The following ADAMTS6 variants were observed in gnomAD, a reference collection of about 807,000 sequenced individuals.
ADAMTS6 encodes the protein A disintegrin and metalloproteinase with thrombospondin motifs 6.
ADAMTS6 carries 23 observed loss-of-function variants against 144.3 expected under a neutral mutation model. That is an observed-to-expected ratio of 0.16 (90% confidence interval 0.11 to 0.23). The LOEUF (loss-of-function observed/expected upper bound fraction) is 0.23. Among genes scored for constraint, ADAMTS6 ranks in the 10% least tolerant of loss-of-function variants. The pLI, the probability that ADAMTS6 is intolerant of heterozygous loss-of-function variation, is 1.00. For synonymous variants in ADAMTS6, 444 were observed against 457.5 expected (o/e 0.97, Z 0.38); for missense variants, 999 against 1,379.6 (o/e 0.72, Z 4.37).
chr5:65,244,621 G>A (rs896271571), intron 14 of ADAMTS6, among the ~76,000 whole-genome samples: 5 of 151,988 alleles, frequency 3.3e-5, no homozygotes, highest in African/African-American at 9.7e-5. Context: ...ACACTGTTCC[G>A]GGATCTTTAG....
At chr5:65,396,734 C>A (rs1753371284) in intron 7 of ADAMTS6, among the ~76,000 whole-genome samples, 1 of 152,136 alleles carries the variant, frequency 6.6e-6, no homozygotes, top group African/African-American at 2.4e-5. Context: ...TTGCTGGATT[C>A]TATTTGCTAA....
chr5:65,196,347 C>T (rs1755354527), intron 21 of ADAMTS6, among the ~76,000 whole-genome samples: 1 of 151,308 alleles, frequency 6.6e-6, no homozygotes, highest in Non-Finnish European at 1.5e-5. Context: ...ACAGTGAAAC[C>T]CCGTCTCTAC....
chr5:65,222,297 T>G (rs1234974856), intron 18 of ADAMTS6, among the ~76,000 whole-genome samples: 1 of 152,116 alleles, frequency 6.6e-6, no homozygotes, highest in Non-Finnish European at 1.5e-5. Flanking sequence ...AGAACAGAAA[T>G]AGACTCATCC....
intron 20 of ADAMTS6, among the ~76,000 whole-genome samples, chr5:65,208,716 T>A (rs1419944822): frequency 6.6e-6 from 1 of 152,210 alleles, no homozygotes; most frequent in Non-Finnish European, 1.5e-5. Context: ...TGTTTTAAAC[T>A]TTACAATTTT....
In ADAMTS6 at chr5:65,273,413, C is replaced by A; in HGVS notation, c.1547G>T (p.Ser516Ile). 1 of 1,613,876 alleles carries A rather than the reference C, an allele frequency of 6.2e-7. No individual in the cohort carries two copies. Among genetic ancestry groups the A allele is most frequent in the Non-Finnish European group, 8.5e-7 (1 of 1,179,846 alleles). ...AATACTGTTGGTGACACAGCGGTTG[C>A]TTTTGCTGAGACACCAGAGCTCTCT... ...VCRELWCLSKSNRCVTNSIPA... is the reference protein window; with the variant it reads ...VCRELWCLSKINRCVTNSIPA... The change falls in exon 12 of 25, where the codon AGC becomes ATC. Residue 516 changes from serine to isoleucine, a missense_variant. Coordinates refer to ENST00000381055, the MANE Select transcript of ADAMTS6 (RefSeq NM_197941.4).
At chr5:65,401,439 G>A (rs867548139) in intron 7 of ADAMTS6, among the ~76,000 whole-genome samples, 1 of 152,152 alleles carries the variant, frequency 6.6e-6, no homozygotes. Flanking sequence ...CAAATTCCCA[G>A]ATAGATCCCT....
chr5:65,375,776 A>T (rs1031471735), intron 7 of ADAMTS6, among the ~76,000 whole-genome samples: 3 of 152,322 alleles, frequency 2.0e-5, no homozygotes, highest in African/African-American at 7.2e-5. Context: ...TACCCAAAGG[A>T]TTATAAATCA....
intron 7 of ADAMTS6, among the ~76,000 whole-genome samples, chr5:65,376,458 A>C (rs559016336): frequency 1.3e-5 from 2 of 152,044 alleles, no homozygotes; most frequent in South Asian, 4.2e-4. Flanking sequence ...CTCAAAAAAA[A>C]AGGAAGGAAA....
At chr5:65,395,837 T>C (rs1337863432) in intron 7 of ADAMTS6, among the ~76,000 whole-genome samples, 1 of 152,216 alleles carries the variant, frequency 6.6e-6, no homozygotes, top group Non-Finnish European at 1.5e-5. Flanking sequence ...AACTTAAATT[T>C]TGACATTCAG....
In ADAMTS6 at chr5:65,242,086, T is replaced by C; in HGVS notation, c.1933+18A>G. On this transcript the variant is annotated intron_variant, in intron 15 of 24. Transcript: ENST00000381055. The stretch of plus-strand genomic sequence containing the variant: ...GCAAAGTGCTCAAGCATGAATGCTC[T>C]GTCAGGTTATACATTACCTCCAGTA... 1 of 1,520,620 alleles carries C rather than the reference T, an allele frequency of 6.6e-7. No homozygotes were observed. Among genetic ancestry groups the C allele is most frequent in the Non-Finnish European group, 9.0e-7 (1 of 1,116,870 alleles). 94.2% of individuals were successfully genotyped at this position (1,520,620 alleles called of 1,614,324 possible).
chr5:65,460,061 T>C (rs1759528687), intron 4 of ADAMTS6, 109 bp downstream of exon 4: 3 of 1,208,374 alleles, frequency 2.5e-6, no homozygotes, highest in East Asian at 5.1e-5. Context: ...ATTATAATTG[T>C]AGTCAAACTC....
intron 7 of ADAMTS6, among the ~76,000 whole-genome samples, chr5:65,405,643 C>T (rs1368091331): frequency 6.6e-6 from 1 of 151,946 alleles, no homozygotes; most frequent in African/African-American, 2.4e-5. Flanking sequence ...TTTTTTGGTT[C>T]CATATGAACT....
intron 15 of ADAMTS6, among the ~76,000 whole-genome samples, chr5:65,230,120 G>A (rs959061713): frequency 1.3e-5 from 2 of 151,466 alleles, no homozygotes; most frequent in Non-Finnish European, 1.5e-5. Context: ...AATGGACTAC[G>A]ATATAAAAAG....
intron 24 of ADAMTS6, among the ~76,000 whole-genome samples, chr5:65,153,235 C>T (rs923814645): frequency 1.3e-5 from 2 of 152,160 alleles, no homozygotes; most frequent in Non-Finnish European, 2.9e-5. Context: ...AACTGGAACT[C>T]CCAAATCCAC....
intron 3 of ADAMTS6, among the ~76,000 whole-genome samples, chr5:65,466,628 A>G (rs2150275809): frequency 6.6e-6 from 1 of 152,358 alleles, no homozygotes; most frequent in South Asian, 2.1e-4. Context: ...AAAGGGGAGA[A>G]TGACAACTAT....
At chr5:65,332,913 G>C (rs1211545283) in intron 8 of ADAMTS6, among the ~76,000 whole-genome samples, 2 of 152,104 alleles carry the variant, frequency 1.3e-5, no homozygotes, top group Admixed American at 1.3e-4. Context: ...TTGGCTATTT[G>C]AGATTTCTTC....
chr5:65,235,256 A>G (rs1758579304), intron 15 of ADAMTS6, among the ~76,000 whole-genome samples: 1 of 152,248 alleles, frequency 6.6e-6, no homozygotes, highest in African/African-American at 2.4e-5. Context: ...TGACGGATAC[A>G]TTAATTAGCT....
intron 7 of ADAMTS6, among the ~76,000 whole-genome samples, chr5:65,432,397 TAAAAGAA>T (rs1002741212): frequency 7.2e-5 from 11 of 151,900 alleles, no homozygotes; most frequent in Admixed American, 5.9e-4. Context: ...TTCTTTGGGA[TAAAAGAA>T]AAAAGAAAGT....
chr5:65,176,108 G>GA (rs1005664660), intron 22 of ADAMTS6, among the ~76,000 whole-genome samples: 2 of 141,682 alleles, frequency 1.4e-5, no homozygotes, highest in African/African-American at 2.7e-5. Flanking sequence ...ATCATCTTCG[G>GA]AAAAAAAAGG....
Sources: gnomAD v4.1 joint callset for allele counts (sites outside exome capture counted in the v4.1 genomes callset) on GRCh38, gnomAD v4.1.1 for gene constraint, MANE v1.5 for transcripts, NCBI Gene and HGNC (gene_info 2026-07-23, HGNC 2026-07-21) for gene names.